Variants in NUDT19 observed in about 807,000 individuals in gnomAD.
NUDT19 encodes acyl-coenzyme A diphosphatase NUDT19.
A neutral mutation model predicts 22.2 loss-of-function variants in NUDT19; 31 were observed. That is an observed-to-expected ratio of 1.40 (90% CI 1.05 to 1.89). NUDT19 has a LOEUF of 1.89. Ranked by LOEUF, NUDT19 falls within the 40% of genes most tolerant of loss-of-function variation. The pLI is 0.00. For missense variants in NUDT19, 752 were observed against 514.2 expected (o/e 1.46, Z -4.47); for synonymous variants, 325 against 230.8 (o/e 1.41, Z -3.70).
chr19:32,696,566 C>T (rs1246011956), intron 1 of NUDT19, among the ~76,000 whole-genome samples: 1 of 152,100 alleles, frequency 6.6e-6, no homozygotes, highest in African/African-American at 2.4e-5. Flanking sequence ...CCTCCCCAAG[C>T]AGGGGACAAC....
In NUDT19 at chr19:32,706,232, T is replaced by C. The variant is rs961455846; in HGVS notation, c.715-2953T>C. 3.9e-5 allele frequency among the ~76,000 whole-genome samples: 6 copies of C among 152,350 alleles called. No homozygotes were observed. In the South Asian group the frequency reaches 1.0e-3, roughly 26 times the overall value. ...TCTAGAGCTCTACTCTGTAGGTCTT[T>C]CCTCTCAGGTACAGCTTTATCCCTG... On this transcript the variant is annotated intron_variant, in intron 1 of 2. Coordinates refer to ENST00000397061, the MANE Select transcript of NUDT19 (RefSeq NM_001105570.2).
chr19:32,711,908 A>G lies in NUDT19; in HGVS notation c.1079A>G (p.Tyr360Cys), dbSNP rs1434432766. 3 of 1,613,974 alleles carry G rather than the reference A, an allele frequency of 1.9e-6. No individual in the cohort carries two copies. The highest frequency in any genetic ancestry group is 1.6e-4 in the Middle Eastern group (1 of 6,084). ...ATCCACGTGACTGTTCAGCCAAAGT[A>G]TAAACACGTTTATCCTAAGAACTCT... ...YDIHVTVQPK[Y>C]KHVYPKNSVV... The change falls in exon 3 of 3, where the codon TAT becomes TGT. Residue 360 changes from tyrosine (Y) to cysteine (C), a missense_variant. Tyr to Cys is a radical substitution (Grantham distance 194). Transcript: ENST00000397061.
intron 1 of NUDT19, among the ~76,000 whole-genome samples, chr19:32,701,963 C>T (rs1968340356): frequency 1.3e-5 from 2 of 152,162 alleles, no homozygotes. Context: ...ACCAGCCCAG[C>T]AACATAGCGA....
Position 32,711,999 on chromosome 19 carries a change from C to T in NUDT19, c.*42C>T, listed in dbSNP as rs754076654. 7.9e-7 allele frequency: 1 copy of T among 1,259,048 alleles called. No homozygotes were observed. The highest frequency in any genetic ancestry group is 2.3e-5 in the East Asian group (1 of 43,254). 78.0% of individuals were successfully genotyped at this position (1,259,048 alleles called of 1,614,324 possible). ...TGTAAAATGGCCTACTTGAAGTCCTCATGAATAATGAGGGTTGACTTTCAT... is the reference window on the plus strand; with the variant it reads ...TGTAAAATGGCCTACTTGAAGTCCTTATGAATAATGAGGGTTGACTTTCAT... On this transcript the variant is annotated 3_prime_UTR_variant, in exon 3 of 3. Transcript: ENST00000397061.
Position 32,713,621 on chromosome 19 carries a change from G to T in NUDT19, c.*1664G>T, listed in dbSNP as rs748967689. 4 of 152,090 alleles carry T rather than the reference G, an allele frequency of 2.6e-5. No individual in the cohort carries two copies. Among genetic ancestry groups the T allele is most frequent in the Non-Finnish European group, 5.9e-5 (4 of 68,010 alleles). The allele number at this position is 152,090 out of a possible 1,614,324, so 9.4% of individuals were successfully genotyped here. On this transcript the variant is annotated 3_prime_UTR_variant, in exon 3 of 3. Transcript: ENST00000397061. The stretch of plus-strand genomic sequence containing the variant: ...GTAATTTTTCATCATCTTTCAAGAG[G>T]AATAATGTTTATTGATTAAAGGTGA...
intron 1 of NUDT19, among the ~76,000 whole-genome samples, chr19:32,704,160 C>A (rs1333261955): frequency 6.6e-6 from 1 of 151,996 alleles, no homozygotes; most frequent in African/African-American, 2.4e-5. Flanking sequence ...GTATAAAATT[C>A]TAGGTTGATA....
rs1184287670 is a variant in NUDT19 at position 32,709,342 on chromosome 19, G to A, written c.872G>A (p.Trp291Ter). 1 of 1,614,190 alleles carries A rather than the reference G, an allele frequency of 6.2e-7. No homozygotes were observed. The highest frequency in any genetic ancestry group is 1.1e-5 in the South Asian group (1 of 91,084). The change falls in exon 2 of 3, where the codon TGG becomes TAG. Residue 291 changes from tryptophan (W) to a stop codon, truncating the protein, a stop_gained. Transcript: ENST00000397061. LOFTEE classifies it low-confidence loss of function (END_TRUNC). ...LGRALEGLER[W>*]LPIILLTADG... ...CGTGCATTAGAAGGACTGGAAAGGT[G>A]GCTGCCGATCATCTTGTTAACTGCT...
At chr19:32,696,877 G>C (rs532724182) in intron 1 of NUDT19, among the ~76,000 whole-genome samples, 1 of 152,212 alleles carries the variant, frequency 6.6e-6, no homozygotes, top group South Asian at 2.1e-4. Context: ...ACATACCCAG[G>C]ACTCAGTGAG....
Position 32,711,946 on chromosome 19 carries a change from A to G in NUDT19, c.1117A>G (p.Ser373Gly). Residue 373 changes from serine to glycine, a missense_variant, in exon 3 of 3, where the codon AGC becomes GGC. Physicochemically the swap from Ser to Gly is moderately conservative, Grantham distance 56. Transcript: ENST00000397061. ...TCCTAAGAACTCTGTAGTAAGAAAA[A>G]GCCATTTGTAGGGTGCTTAAGCTTG... is the stretch of plus-strand genomic sequence containing the variant. The part of the protein sequence containing the change: ...VYPKNSVVRK[S>G]HL 6.2e-7 allele frequency: 1 copy of G among 1,611,858 alleles called. No homozygotes were observed. The highest frequency in any genetic ancestry group is 1.1e-5 in the South Asian group (1 of 91,022).
chr19:32,697,372 C>CTTGAGGG (rs1484303502), intron 1 of NUDT19, among the ~76,000 whole-genome samples: 22 of 152,166 alleles, frequency 1.4e-4, no homozygotes, highest in Non-Finnish European at 8.8e-5. Context: ...TCAATTGACC[C>CTTGAGGG]TCAAGTGAGT....
intron 1 of NUDT19, among the ~76,000 whole-genome samples, chr19:32,705,587 CTTT>C (rs11387568): frequency 7.2e-6 from 1 of 139,258 alleles, no homozygotes; most frequent in Non-Finnish European, 1.6e-5. Context: ...TTTAGCTGCA[CTTT>C]TTTTTTTTTT....
Position 32,692,295 on chromosome 19 carries a change from C to A in NUDT19, c.335C>A (p.Thr112Asn). ...CTGCCCGACACCGATGACCACAAGA[C>A]CGACAACACTGGGACGCTGCCTGAG... ...PSLPDTDDHK[T>N]DNTGTLPEDV... The change falls in exon 1 of 3, where the codon ACC (threonine) becomes AAC (asparagine). Residue 112 changes from threonine to asparagine, a missense_variant. Coordinates refer to ENST00000397061, the MANE Select transcript of NUDT19 (RefSeq NM_001105570.2). 1.3e-6 allele frequency: 2 copies of A among 1,593,712 alleles called. No individual in the cohort carries two copies. The highest frequency in any genetic ancestry group is 8.5e-7 in the Non-Finnish European group (1 of 1,178,046).
At chr19:32,696,457 T>C (rs904399527) in intron 1 of NUDT19, among the ~76,000 whole-genome samples, 1 of 152,158 alleles carries the variant, frequency 6.6e-6, no homozygotes, top group Non-Finnish European at 1.5e-5. Flanking sequence ...CTATTCCTGC[T>C]CTCTCTGTGA....
intron 1 of NUDT19, among the ~76,000 whole-genome samples, chr19:32,705,978 C>T (rs941831719): frequency 5.3e-5 from 8 of 152,110 alleles, no homozygotes; most frequent in Non-Finnish European, 8.8e-5. Context: ...GGAAGGAATT[C>T]GAATAATCCT....
Position 32,692,470 on chromosome 19 carries a change from C to G in NUDT19, c.510C>G (p.Arg170=). 1 of 1,548,880 alleles carries G rather than the reference C, an allele frequency of 6.5e-7. No homozygotes were observed. The part of the protein sequence containing the change: ...PPPGLASWRD[R]VRQDPRHFLR... ...CGGGCCTGGCCTCCTGGCGCGACCG[C>G]GTGCGCCAGGACCCGCGCCACTTCC... Residue 170 remains arginine (R), a synonymous_variant, in exon 1 of 3, where the codon CGC becomes CGG. Transcript: ENST00000397061.
At chr19:32,693,614 ATTGGTCCATTTTTACAGAGTGCG>A (rs2145355148) in intron 1 of NUDT19, among the ~76,000 whole-genome samples, 1 of 149,630 alleles carries the variant, frequency 6.7e-6, no homozygotes, top group East Asian at 2.4e-4. Flanking sequence ...CAGAGTGCTG[ATTGGTCCATTTTTACAGAGTGCG>A]GATTGGTGCG....
chr19:32,701,199 G>GTTTTTTTT (rs3042685), intron 1 of NUDT19, among the ~76,000 whole-genome samples: 1 of 101,030 alleles, frequency 9.9e-6, no homozygotes, highest in Non-Finnish European at 1.8e-5. Flanking sequence ...CATCTTGCAG[G>GTTTTTTTT]TTTTTTTTTT....
At position 32,692,227 on chromosome 19, in the gene NUDT19, C is replaced by G. The variant is rs539307665; in HGVS notation, c.267C>G (p.Phe89Leu). ...CGCCGCACCACGGGCCGCCGCGCTT[C>G]GGCCTGGGCCCGGCGCCATTCAGCC... ...LFAPHHGPPR[F>L]GLGPAPFSRT... The change falls in exon 1 of 3, where the codon TTC becomes TTG. Residue 89 changes from phenylalanine (F) to leucine (L), a missense_variant. Physicochemically the swap from Phe to Leu is conservative, Grantham distance 22. Coordinates refer to ENST00000397061, the MANE Select transcript of NUDT19 (RefSeq NM_001105570.2). The G allele has an allele frequency of 5.0e-6, 8 of 1,585,498 alleles. No homozygotes were observed. The South Asian group carries it at 7.8e-5, about 15-fold the overall frequency.
intron 1 of NUDT19, among the ~76,000 whole-genome samples, chr19:32,705,181 G>A (rs1327153545): frequency 6.6e-6 from 1 of 150,542 alleles, no homozygotes; most frequent in Non-Finnish European, 1.5e-5. Flanking sequence ...CCAGCACTTT[G>A]GGAGGCCAAG....
Sources: allele counts gnomAD v4.1 joint callset (sites outside exome capture counted in the v4.1 genomes callset), GRCh38; gene constraint gnomAD v4.1.1; transcripts MANE v1.5; gene names NCBI Gene and HGNC (gene_info 2026-07-23, HGNC 2026-07-21).